The following RAB3B variants were observed in gnomAD, a reference collection of about 807,000 sequenced individuals.
RAB3B encodes RAB3B, member RAS oncogene family.
In RAB3B, 11 loss-of-function variants were observed where a neutral mutation model predicts 20.5. The observed-to-expected ratio is 0.54, with a 90% CI of 0.34 to 0.89. The LOEUF is 0.89. Ranked by LOEUF, RAB3B falls within the 40% of genes least tolerant of loss-of-function variation. RAB3B has a pLI of 0.02. For synonymous variants in RAB3B, 99 were observed against 106.3 expected, an observed-to-expected ratio of 0.93 and a Z score of 0.42; for missense variants, 225 against 280.9, an observed-to-expected ratio of 0.80 and a Z score of 1.42.
At chr1:51,966,560 T>A (rs1684854469) in intron 2 of RAB3B, among the ~76,000 whole-genome samples, 1 of 152,190 alleles carries the variant, frequency 6.6e-6, no homozygotes, top group Non-Finnish European at 1.5e-5. Flanking sequence ...TGTTAATTCA[T>A]TTGAAAATTA....
chr1:51,937,358 C>T lies in RAB3B; in HGVS notation c.283G>A (p.Ala95Thr). 6.2e-7 allele frequency: 1 copy of T among 1,613,668 alleles called. No individual in the cohort carries two copies. Among genetic ancestry groups the T allele is most frequent in the Non-Finnish European group, 8.5e-7 (1 of 1,179,764 alleles). ...TCATACATCAGAATGAAGCCCATGG[C>T]CCCACGGTAATAGGCTGTTGTGATG... ...RTITTAYYRG[A>T]MGFILMYDIT... The change falls in exon 3 of 5, where the codon GCC (alanine) becomes ACC (threonine). Residue 95 changes from alanine (A) to threonine (T), a missense_variant. Physicochemically the swap from Ala to Thr is moderately conservative, Grantham distance 58. Coordinates refer to ENST00000371655, the MANE Select transcript of RAB3B (RefSeq NM_002867.4).
At chr1:51,967,151 A>G (rs1684864636) in intron 2 of RAB3B, among the ~76,000 whole-genome samples, 1 of 152,082 alleles carries the variant, frequency 6.6e-6, no homozygotes, top group Non-Finnish European at 1.5e-5. Context: ...TGTCTCTACT[A>G]AAAATAGAAA....
intron 4 of RAB3B, among the ~76,000 whole-genome samples, chr1:51,929,665 G>T (rs2124244554): frequency 6.6e-6 from 1 of 152,168 alleles, no homozygotes; most frequent in African/African-American, 2.4e-5. Flanking sequence ...TTTATCACTT[G>T]CAATAACAAG....
rs1444882880 is a variant in RAB3B at position 51,921,649 on chromosome 1, T to A, written c.473-1535A>T. On this transcript the variant is annotated intron_variant, in intron 4 of 4. Coordinates refer to ENST00000371655, the MANE Select transcript of RAB3B (RefSeq NM_002867.4). ...CTCTCTGCTCACTTAACCTCTCCAATTCTCAGACTCCCTGTTGTCAAATAA... is the reference window on the plus strand; with the variant it reads ...CTCTCTGCTCACTTAACCTCTCCAAATCTCAGACTCCCTGTTGTCAAATAA... Among the ~76,000 whole-genome samples the A allele has an allele frequency of 3.9e-5, 6 of 152,194 alleles. No homozygotes were observed. In the East Asian group the frequency reaches 1.2e-3, roughly 29 times the overall value.
At chr1:51,981,303 C>T (rs1685085022) in intron 1 of RAB3B, among the ~76,000 whole-genome samples, 1 of 152,336 alleles carries the variant, frequency 6.6e-6, no homozygotes, top group East Asian at 1.9e-4. Flanking sequence ...GCTAGAATTA[C>T]AGGCGAGAGC....
At chr1:51,926,092 C>T (rs556296099) in intron 4 of RAB3B, among the ~76,000 whole-genome samples, 25 of 152,284 alleles carry the variant, frequency 1.6e-4, no homozygotes, top group African/African-American at 5.8e-4. Context: ...GGCTGGGAAA[C>T]ATAGCCTGCA....
chr1:51,925,255 C>T (rs2124237534), intron 4 of RAB3B, among the ~76,000 whole-genome samples: 1 of 152,314 alleles, frequency 6.6e-6, no homozygotes, highest in Non-Finnish European at 1.5e-5. Flanking sequence ...AACTCACATC[C>T]TCTGGTCACT....
chr1:51,985,931 G>A (rs977549048), intron 1 of RAB3B, among the ~76,000 whole-genome samples: 2 of 151,922 alleles, frequency 1.3e-5, no homozygotes, highest in African/African-American at 4.8e-5. Flanking sequence ...GGAGGGTCAT[G>A]AATGGAACTT....
intron 2 of RAB3B, among the ~76,000 whole-genome samples, chr1:51,948,203 G>A (rs1478741110): frequency 6.6e-6 from 1 of 152,124 alleles, no homozygotes; most frequent in Non-Finnish European, 1.5e-5. Context: ...GCTTGAAGAG[G>A]TGAATGACAG....
At chr1:51,962,609 G>A (rs1340691256) in intron 2 of RAB3B, among the ~76,000 whole-genome samples, 1 of 152,058 alleles carries the variant, frequency 6.6e-6, no homozygotes, top group Non-Finnish European at 1.5e-5. Context: ...CCTGATCACT[G>A]GACTCCAATT....
rs1685038278 is a variant in RAB3B at position 51,978,424 on chromosome 1, CTTA to C, written c.1-1310_1-1308del. 2.6e-5 allele frequency among the ~76,000 whole-genome samples: 4 copies of C among 152,260 alleles called. No homozygotes were observed. In the South Asian group the frequency reaches 8.3e-4, roughly 32 times the overall value. On this transcript the variant is annotated intron_variant, in intron 1 of 4. Transcript: ENST00000371655. ...TTCCACACAGATGTGAACATATGTC[CTTA>C]TTATTCCAAAGCCTTCAAAGCCTAG... is the stretch of plus-strand genomic sequence containing the variant.
At chr1:51,927,867 A>T (rs915497178) in intron 4 of RAB3B, among the ~76,000 whole-genome samples, 3 of 152,088 alleles carry the variant, frequency 2.0e-5, no homozygotes, top group African/African-American at 7.2e-5. Flanking sequence ...GCAGAAGCAT[A>T]TTTCCCTTTT....
In RAB3B at chr1:51,947,902, A is replaced by C. The variant is rs190221185; in HGVS notation, c.229-10490T>G. Among the ~76,000 whole-genome samples the C allele has an allele frequency of 1.3e-3, 202 of 152,150 alleles. 3 individuals are homozygous for C. The East Asian group carries it at 0.028, about 21-fold the overall frequency. ...CCAACTTGGACACCCACCCCCTCAC[A>C]AAGCAGCCATTCCACTGATGGACAG... On this transcript the variant is annotated intron_variant, in intron 2 of 4. Coordinates refer to ENST00000371655, the MANE Select transcript of RAB3B (RefSeq NM_002867.4).
Position 51,937,351 on chromosome 1 carries a change from C to G in RAB3B, c.290G>C (p.Gly97Ala). 1 of 1,613,636 alleles carries G rather than the reference C, an allele frequency of 6.2e-7. No homozygotes were observed. The highest frequency in any genetic ancestry group is 2.2e-5 in the East Asian group (1 of 44,862). The stretch of plus-strand genomic sequence containing the variant: ...GGTGATGTCATACATCAGAATGAAG[C>G]CCATGGCCCCACGGTAATAGGCTGT... ...ITTAYYRGAM[G>A]FILMYDITNE... Residue 97 changes from glycine (G) to alanine (A), a missense_variant, in exon 3 of 5, where the codon GGC (glycine) becomes GCC (alanine). Coordinates refer to ENST00000371655, the MANE Select transcript of RAB3B (RefSeq NM_002867.4).
chr1:51,941,356 C>T (rs1170408107), intron 2 of RAB3B, among the ~76,000 whole-genome samples: 1 of 152,032 alleles, frequency 6.6e-6, no homozygotes, highest in Non-Finnish European at 1.5e-5. Context: ...GTAATTAGAT[C>T]TGAGATTTAG....
At chr1:51,957,817 C>T (rs547372995) in intron 2 of RAB3B, among the ~76,000 whole-genome samples, 32 of 152,236 alleles carry the variant, frequency 2.1e-4, no homozygotes, top group South Asian at 4.1e-4. Context: ...AGCAAACTTC[C>T]GCTGGAAGGA....
intron 1 of RAB3B, among the ~76,000 whole-genome samples, chr1:51,989,208 TTGTGTGTGTG>T (rs60661761): frequency 9.4e-4 from 94 of 99,868 alleles, no homozygotes; most frequent in African/African-American, 2.0e-3. Context: ...CCATCTTGTT[TTGTGTGTGTG>T]TGTGTGTGTG....
intron 2 of RAB3B, among the ~76,000 whole-genome samples, chr1:51,974,748 T>A (rs1684984514): frequency 6.6e-6 from 1 of 152,202 alleles, no homozygotes; most frequent in South Asian, 2.1e-4. Flanking sequence ...GAGTTTCTTA[T>A]CCTGCAAAAC....
At chr1:51,978,145 C>T (rs1685035005) in intron 1 of RAB3B, among the ~76,000 whole-genome samples, 1 of 152,226 alleles carries the variant, frequency 6.6e-6, no homozygotes, top group Admixed American at 6.5e-5. Context: ...CCTTGTATCA[C>T]TTCAGCACTG....
Sources: allele counts gnomAD v4.1 joint callset (sites outside exome capture counted in the v4.1 genomes callset), GRCh38; gene constraint gnomAD v4.1.1; transcripts MANE v1.5; gene names NCBI Gene and HGNC (gene_info 2026-07-23, HGNC 2026-07-21).